Variants in OPCML observed in about 807,000 individuals in gnomAD.
OPCML encodes opioid binding protein/cell adhesion molecule like.
OPCML carries 13 observed loss-of-function variants against 37.8 expected under a neutral mutation model. The ratio of observed to expected loss-of-function variants is 0.34; its 90% CI spans 0.22 to 0.55. The LOEUF (loss-of-function observed/expected upper bound fraction) is 0.55. Ranked by LOEUF, OPCML falls within the 20% of genes least tolerant of loss-of-function variation. OPCML has a pLI of 0.91. For synonymous variants in OPCML, 176 were observed against 168.8 expected (o/e 1.04, Z -0.33); for missense variants, 341 against 435.6 (o/e 0.78, Z 1.93).
At chr11:133,185,384 C>T (rs1938024352) in intron 1 of OPCML, among the ~76,000 whole-genome samples, 2 of 152,192 alleles carry the variant, frequency 1.3e-5, no homozygotes, top group African/African-American at 4.8e-5. Flanking sequence ...ATTAATACAG[C>T]TTTCTAACTT....
chr11:133,314,063 G>A (rs1363658273), intron 1 of OPCML, among the ~76,000 whole-genome samples: 5 of 150,230 alleles, frequency 3.3e-5, no homozygotes, highest in Admixed American at 1.3e-4. Flanking sequence ...GTGAAACCTC[G>A]TCTCTACTAA....
At chr11:132,819,934 C>G (rs1253406533) in intron 2 of OPCML, among the ~76,000 whole-genome samples, 2 of 152,092 alleles carry the variant, frequency 1.3e-5, no homozygotes, top group African/African-American at 4.8e-5. Context: ...GTGCCTTCTC[C>G]CCCAGGGTCC....
chr11:132,988,414 G>GA (rs1445596840), intron 1 of OPCML, among the ~76,000 whole-genome samples: 2 of 152,164 alleles, frequency 1.3e-5, no homozygotes, highest in African/African-American at 2.4e-5. Context: ...TCTGCCAAGG[G>GA]AAGTACGGAA....
chr11:132,899,073 A>G (rs79107703), intron 2 of OPCML, among the ~76,000 whole-genome samples: 2,097 of 152,204 alleles, frequency 0.014, 54 homozygotes, highest in African/African-American at 0.048. Flanking sequence ...TCCAGGGAGG[A>G]CTACTAATGA....
intron 1 of OPCML, among the ~76,000 whole-genome samples, chr11:133,042,336 C>A (rs565501929): frequency 2.0e-5 from 3 of 152,286 alleles, no homozygotes; most frequent in South Asian, 4.1e-4. Flanking sequence ...CAAATAAACA[C>A]GCTGCCCTCA....
chr11:133,494,009 T>G (rs1947724292), intron 1 of OPCML, among the ~76,000 whole-genome samples: 1 of 116,510 alleles, frequency 8.6e-6, no homozygotes, highest in African/African-American at 5.9e-5. Flanking sequence ...TCAAACAAAT[T>G]TACAAAAAAA....
chr11:132,580,220 GA>G (rs1270549291), intron 3 of OPCML, among the ~76,000 whole-genome samples: 3 of 152,282 alleles, frequency 2.0e-5, no homozygotes, highest in Admixed American at 1.3e-4. Context: ...CCGCAGGGGG[GA>G]AACCCAACAA....
intron 1 of OPCML, among the ~76,000 whole-genome samples, chr11:133,327,046 G>A (rs916263388): frequency 1.4e-5 from 2 of 140,382 alleles, no homozygotes; most frequent in Non-Finnish European, 3.1e-5. Context: ...GTGCGTGTAT[G>A]TGTGTGTGGG....
At chr11:133,271,818 T>A (rs1312876205) in intron 1 of OPCML, among the ~76,000 whole-genome samples, 1 of 152,236 alleles carries the variant, frequency 6.6e-6, no homozygotes, top group Non-Finnish European at 1.5e-5. Flanking sequence ...CATTCATTTG[T>A]TTGTGCACTG....
In OPCML at chr11:132,417,439, C is replaced by T. The variant is rs1395929908; in HGVS notation, c.*2754G>A. 1.3e-5 allele frequency: 2 copies of T among 152,172 alleles called. No individual in the cohort carries two copies. The highest frequency in any genetic ancestry group is 2.4e-5 in the African/African-American group (1 of 41,418). The allele number at this position is 152,172 out of a possible 1,614,324, so 9.4% of individuals were successfully genotyped here. On this transcript the variant is annotated 3_prime_UTR_variant, in exon 8 of 8. Coordinates refer to ENST00000524381, the MANE Select transcript of OPCML (RefSeq NM_001012393.5). ...GAGGATCAACTGTAGCATTTCTCTC[C>T]CTCTGAAACGTGGCTGGGATAGGTA... is the stretch of plus-strand genomic sequence containing the variant.
chr11:133,364,954 T>A (rs1944506469), intron 1 of OPCML, among the ~76,000 whole-genome samples: 1 of 152,040 alleles, frequency 6.6e-6, no homozygotes, highest in East Asian at 1.9e-4. Flanking sequence ...CTTTTTCAAA[T>A]ATTTGATTTG....
At chr11:133,150,645 A>G (rs1949966256) in intron 1 of OPCML, among the ~76,000 whole-genome samples, 1 of 151,522 alleles carries the variant, frequency 6.6e-6, no homozygotes, top group Non-Finnish European at 1.5e-5. Flanking sequence ...ATAAGACCCC[A>G]CTCCACCCCA....
At chr11:132,521,285 T>C (rs2096292899) in intron 4 of OPCML, among the ~76,000 whole-genome samples, 1 of 152,218 alleles carries the variant, frequency 6.6e-6, no homozygotes, top group South Asian at 2.1e-4. Flanking sequence ...TTGATCTTTG[T>C]CAGATGAGTA....
intron 2 of OPCML, among the ~76,000 whole-genome samples, chr11:132,663,582 T>C (rs1243428516): frequency 6.6e-6 from 1 of 152,198 alleles, no homozygotes; most frequent in African/African-American, 2.4e-5. Flanking sequence ...AGTCCTTGCA[T>C]CATATCAGGC....
chr11:132,585,098 G>A (rs1300854469), intron 3 of OPCML, among the ~76,000 whole-genome samples: 2 of 152,082 alleles, frequency 1.3e-5, no homozygotes, highest in Non-Finnish European at 2.9e-5. Flanking sequence ...AATTATGTAA[G>A]GAGGCAGCTT....
rs560885423 is a variant in OPCML, at chr11:132,522,485, C to A, written c.505+6576G>T. 2.6e-5 allele frequency among the ~76,000 whole-genome samples: 4 copies of A among 152,318 alleles called. No homozygotes were observed. In the South Asian group the frequency reaches 6.2e-4, roughly 24 times the overall value. ...CATCATAATACCATCATAACAAGTA[C>A]CCAGGCTATCTGTATGCTACATGGA... is the stretch of plus-strand genomic sequence containing the variant. On this transcript the variant is annotated intron_variant, in intron 4 of 7. Coordinates refer to ENST00000524381, the MANE Select transcript of OPCML (RefSeq NM_001012393.5).
At chr11:133,180,838 C>CA (rs34333844) in intron 1 of OPCML, among the ~76,000 whole-genome samples, 17,400 of 93,554 alleles carry the variant, frequency 0.19, 1,295 homozygotes, top group Non-Finnish European at 0.22. Context: ...CTCAGCAAAG[C>CA]AAAAAAAAAA....
At chr11:133,359,027 T>C (rs1034540356) in intron 1 of OPCML, among the ~76,000 whole-genome samples, 2 of 152,108 alleles carry the variant, frequency 1.3e-5, no homozygotes, top group African/African-American at 4.8e-5. Context: ...TGGCAAAAAC[T>C]TTGTTGTTTA....
intron 3 of OPCML, among the ~76,000 whole-genome samples, chr11:132,620,912 T>G (rs754911727): frequency 1.3e-5 from 2 of 152,088 alleles, no homozygotes; most frequent in Non-Finnish European, 2.9e-5. Flanking sequence ...AGCCAGAGAT[T>G]TTGGAGGCTC....
Sources: allele counts gnomAD v4.1 joint callset (sites outside exome capture counted in the v4.1 genomes callset), GRCh38; gene constraint gnomAD v4.1.1; transcripts MANE v1.5; gene names NCBI Gene and HGNC (gene_info 2026-07-23, HGNC 2026-07-21).